Variants in CARMIL3 observed in about 807,000 individuals in gnomAD.
CARMIL3 encodes capping protein regulator and myosin 1 linker 3.
Under a neutral mutation model 180.8 loss-of-function variants are expected in CARMIL3, and 88 were observed. That is an observed-to-expected ratio of 0.49 (90% CI 0.41 to 0.58). The LOEUF (loss-of-function observed/expected upper bound fraction) is 0.58. Among genes scored for constraint, CARMIL3 ranks in the 20% least tolerant of loss-of-function variants. The pLI is 0.00. For synonymous variants in CARMIL3, 696 were observed against 714.5 expected (o/e 0.97, Z 0.41); for missense variants, 1,548 against 1,787.0 (o/e 0.87, Z 2.41).
chr14:24,067,553 C>G (rs190871484), intron 36 of CARMIL3, among the ~76,000 whole-genome samples: 1 of 152,392 alleles, frequency 6.6e-6, no homozygotes, highest in East Asian at 1.9e-4. Flanking sequence ...GCATCTGCCC[C>G]TCTCTCCCCT....
In CARMIL3 at chr14:24,065,034, C is replaced by G. The variant is rs748810187; in HGVS notation, c.3157C>G (p.Arg1053Gly). ...PLPPLQKKRR[R>G]GLFHFRRPRS... ...GCCTCCACTCCAGAAGAAGAGGCGC[C>G]GGGGCCTGTTTCACTTTCGCCGGCC... is the stretch of plus-strand genomic sequence containing the variant. Residue 1053 changes from arginine to glycine, a missense_variant, in exon 33 of 40, where the codon CGG (arginine) becomes GGG (glycine). Arg to Gly is a moderately radical substitution (Grantham distance 125, BLOSUM62 -2). Transcript: ENST00000342740. The G allele has an allele frequency of 6.2e-7, 1 of 1,610,398 alleles. No individual in the cohort carries two copies. Among genetic ancestry groups the G allele is most frequent in the African/African-American group, 1.3e-5 (1 of 74,812 alleles).
At chr14:24,065,798 C>G in intron 34 of CARMIL3, 48 bp downstream of exon 34, 1 of 1,597,858 alleles carries the variant, frequency 6.3e-7, no homozygotes, top group African/African-American at 1.3e-5. Context: ...GGGTATCTGT[C>G]CACCACCCTC....
chr14:24,059,235 TG>T lies in CARMIL3; in HGVS notation c.1627-31del, dbSNP rs769645476. The T allele has an allele frequency of 1.2e-6, 2 of 1,613,564 alleles. No homozygotes were observed. Among genetic ancestry groups the T allele is most frequent in the Admixed American group, 1.7e-5 (1 of 60,004 alleles). ...GGGGACCTGCAGTCGGAGGAGGCTG[TG>T]GGGACTGGGTCCAACCGCCCCTTGC... is the stretch of plus-strand genomic sequence containing the variant. On this transcript the variant is annotated intron_variant, in intron 20 of 39. Coordinates refer to ENST00000342740, the MANE Select transcript of CARMIL3 (RefSeq NM_138360.4). The surrounding 1 kb of genome is among the most constrained non-coding windows in gnomAD (Gnocchi z 6.3).
intron 36 of CARMIL3, among the ~76,000 whole-genome samples, chr14:24,067,139 C>T (rs769242676): frequency 3.3e-5 from 5 of 152,236 alleles, no homozygotes; most frequent in East Asian, 1.9e-4. Flanking sequence ...GGCAAGAGCT[C>T]GCCTCGGAGG....
In CARMIL3 at chr14:24,059,130, T is replaced by C; in HGVS notation, c.1572-5T>C. 1 of 1,600,050 alleles carries C rather than the reference T, an allele frequency of 6.2e-7. No homozygotes were observed. Among genetic ancestry groups the C allele is most frequent in the Non-Finnish European group, 8.5e-7 (1 of 1,173,594 alleles). ...CCTCCTACTCTGAGCCCCGCCTCCC[T>C]GCAGGACCCTGGAGGAGATCCTCCA... is the stretch of plus-strand genomic sequence containing the variant. On this transcript the variant is annotated splice_region_variant and splice_polypyrimidine_tract_variant and intron_variant, in intron 19 of 39. Coordinates refer to ENST00000342740, the MANE Select transcript of CARMIL3 (RefSeq NM_138360.4). This position sits in a 1 kb window ranked among gnomAD's most constrained non-coding sequence, Gnocchi z 6.3.
chr14:24,060,384 G>T, intron 24 of CARMIL3, 129 bp downstream of exon 24: 1 of 1,176,396 alleles, frequency 8.5e-7, no homozygotes, highest in Non-Finnish European at 1.2e-6. Flanking sequence ...GAGCATGTGG[G>T]GAAGCAAAAA....
chr14:24,059,920 G>C lies in CARMIL3; in HGVS notation c.1869-50G>C, dbSNP rs781291025. On this transcript the variant is annotated intron_variant, in intron 22 of 39. Transcript: ENST00000342740. The surrounding 1 kb of genome is among the most constrained non-coding windows in gnomAD (Gnocchi z 6.3). ...CTGCTCACCAACAGAGGAGGCAGGG[G>C]CCTCCCATCCTCACCTGTTCCCACC... is the stretch of plus-strand genomic sequence containing the variant. The C allele has an allele frequency of 1.3e-6, 2 of 1,595,486 alleles. No homozygotes were observed. Among genetic ancestry groups the C allele is most frequent in the Admixed American group, 3.3e-5 (2 of 59,960 alleles).
Position 24,058,633 on chromosome 14 carries a change from AC to A in CARMIL3, c.1393-42del. ...ATATCCTAAGCATTAAAGGTGCCCT[AC>A]CCCCACCCCAACCCCTGCCTTCCCT... On this transcript the variant is annotated intron_variant, in intron 17 of 39. Coordinates refer to ENST00000342740, the MANE Select transcript of CARMIL3 (RefSeq NM_138360.4). This position sits in a 1 kb window ranked among gnomAD's most constrained non-coding sequence, Gnocchi z 6.4. 1 of 1,540,026 alleles carries A rather than the reference AC, an allele frequency of 6.5e-7. No homozygotes were observed.
At position 24,069,144 on chromosome 14, in the gene CARMIL3, T is replaced by C; in HGVS notation, c.3990T>C (p.Pro1330=). ...DQEEPEVQGP[P]DPGRRTAPLK... ...CCTTGATTGTTATTTCAGGGCCCCC[T>C]GATCCAGGCCGGCGGACTGCCCCCC... Residue 1330 remains proline (P), a synonymous_variant, in exon 39 of 40, where the codon CCT becomes CCC. Coordinates refer to ENST00000342740, the MANE Select transcript of CARMIL3 (RefSeq NM_138360.4). 1 of 1,614,050 alleles carries C rather than the reference T, an allele frequency of 6.2e-7. No individual in the cohort carries two copies. The highest frequency in any genetic ancestry group is 1.1e-5 in the South Asian group (1 of 91,086).
At chr14:24,057,140 T>C in intron 13 of CARMIL3, 27 bp from the exon 14 acceptor site, 2 of 1,611,152 alleles carry the variant, frequency 1.2e-6, no homozygotes, top group East Asian at 2.2e-5. Context: ...TCCCTTCCCC[T>C]GCAACCCCTC....
rs1399465205 is a variant in CARMIL3, at chr14:24,065,736, G to A, written c.3511G>A (p.Asp1171Asn). ...GGAAAGAGCCAAGGGTTGGAGCTTC[G>A]ATGGGAAACGAGAGGTGAGTGGAGC... ...GLERAKGWSFDGKREGPGPDQ... is the reference protein window; with the variant it reads ...GLERAKGWSFNGKREGPGPDQ... Residue 1171 changes from aspartate (D) to asparagine (N), a missense_variant, in exon 34 of 40, where the codon GAT becomes AAT. Coordinates refer to ENST00000342740, the MANE Select transcript of CARMIL3 (RefSeq NM_138360.4). 8 of 1,614,052 alleles carry A rather than the reference G, an allele frequency of 5.0e-6. No homozygotes were observed. The highest frequency in any genetic ancestry group is 1.3e-5 in the African/African-American group (1 of 75,040).
Position 24,059,375 on chromosome 14 carries a change from G to A in CARMIL3, c.1732G>A (p.Gly578Ser), listed in dbSNP as rs2035706766. Residue 578 changes from glycine (G) to serine (S), a missense_variant, in exon 21 of 40, where the codon GGC becomes AGC. By Grantham distance (56) the Gly-to-Ser change is moderately conservative (BLOSUM62 0). This residue lies in a region of CARMIL3 where 297 missense variants were observed against 415.9 expected (regional missense o/e 0.71). Coordinates refer to ENST00000342740, the MANE Select transcript of CARMIL3 (RefSeq NM_138360.4). This position sits in a 1 kb window ranked among gnomAD's most constrained non-coding sequence, Gnocchi z 6.3. ...CTGCCTGGCCAAGGTGGATCTGAGCGGCAATGGCATGGAGGACATCGGGGC... is the reference window on the plus strand; with the variant it reads ...CTGCCTGGCCAAGGTGGATCTGAGCAGCAATGGCATGGAGGACATCGGGGC... Reference protein sequence around the residue: ...NTCLAKVDLSGNGMEDIGAKM... With the variant: ...NTCLAKVDLSSNGMEDIGAKM... 2 of 1,612,578 alleles carry A rather than the reference G, an allele frequency of 1.2e-6. No individual in the cohort carries two copies. The highest frequency in any genetic ancestry group is 1.7e-6 in the Non-Finnish European group (2 of 1,179,486).
In CARMIL3 at chr14:24,058,850, C is replaced by T; in HGVS notation, c.1475-40C>T. ...CAGCCCTGATGGGACACCAGTCAGC[C>T]TCAGGCCTCCAGGCCAGGCCTCTCC... On this transcript the variant is annotated intron_variant, in intron 18 of 39. Transcript: ENST00000342740. This position sits in a 1 kb window ranked among gnomAD's most constrained non-coding sequence, Gnocchi z 6.4. The T allele has an allele frequency of 6.2e-7, 1 of 1,612,044 alleles. No homozygotes were observed. The highest frequency in any genetic ancestry group is 8.5e-7 in the Non-Finnish European group (1 of 1,178,172).
chr14:24,066,608 A>G lies in CARMIL3; in HGVS notation c.3634A>G (p.Lys1212Glu). The change falls in exon 36 of 40, where the codon AAA (lysine) becomes GAA (glutamate). Residue 1212 changes from lysine (K) to glutamate (E), a missense_variant. Physicochemically the swap from Lys to Glu is moderately conservative, Grantham distance 56. Transcript: ENST00000342740. The stretch of plus-strand genomic sequence containing the variant: ...GCCCCCACCACCGCCCCAAAGCACC[A>G]AACCAAGCTTCAGCGCCATGCGCAG... ...WKPPPPPQST[K>E]PSFSAMRRAE... The G allele has an allele frequency of 2.5e-6, 4 of 1,614,196 alleles. No homozygotes were observed. The highest frequency in any genetic ancestry group is 3.4e-6 in the Non-Finnish European group (4 of 1,180,038).
At position 24,063,166 on chromosome 14, in the gene CARMIL3, C is replaced by T. The variant is rs753249653; in HGVS notation, c.2753C>T (p.Pro918Leu). ...CAGAAACGCTGCCGCAAGATTCGGC[C>T]GGTGTCTGCCTTCATCAGTGAGTCT... ...KKQKRCRKIR[P>L]VSAFISGSPQ... The change falls in exon 30 of 40, where the codon CCG becomes CTG. Residue 918 changes from proline to leucine, a missense_variant. Transcript: ENST00000342740. The T allele has an allele frequency of 6.8e-6, 11 of 1,613,216 alleles. No homozygotes were observed. Among genetic ancestry groups the T allele is most frequent in the East Asian group, 2.2e-5 (1 of 44,826 alleles).
chr14:24,054,902 G>T lies in CARMIL3; in HGVS notation c.460+94G>T. 1 of 1,432,956 alleles carries T rather than the reference G, an allele frequency of 7.0e-7. No homozygotes were observed. 88.8% of individuals were successfully genotyped at this position (1,432,956 alleles called of 1,614,324 possible). ...CACAGGGTGTTGCCTGGGCGGGCGG[G>T]CTTTGCCTGCCTGAAGGACTCCCAG... On this transcript the variant is annotated intron_variant, in intron 6 of 39. Coordinates refer to ENST00000342740, the MANE Select transcript of CARMIL3 (RefSeq NM_138360.4). The surrounding 1 kb of genome is among the most constrained non-coding windows in gnomAD (Gnocchi z 5.1).
At chr14:24,062,883 G>A (rs2035746725) in intron 29 of CARMIL3, 37 bp downstream of exon 29, 7 of 1,579,614 alleles carry the variant, frequency 4.4e-6, no homozygotes, top group Non-Finnish European at 4.3e-6. Context: ...TTAATAACCT[G>A]GGCCCTGCCC....
intron 23 of CARMIL3, 38 bp downstream of exon 23, chr14:24,060,101 G>A: frequency 6.2e-7 from 1 of 1,613,682 alleles, no homozygotes; most frequent in South Asian, 1.1e-5. Flanking sequence ...GCACAGCAAG[G>A]GGCAGGGGGC....
rs1456835450 is a variant in CARMIL3, at chr14:24,055,863, A to G, written c.770+74A>G. 3.0e-6 allele frequency: 4 copies of G among 1,351,850 alleles called. No homozygotes were observed. In the Admixed American group the frequency reaches 7.3e-5, roughly 25 times the overall value. The allele number at this position is 1,351,850 out of a possible 1,614,324, so 83.7% of individuals were successfully genotyped here. A position where few individuals can be genotyped will look rare whatever the true frequency, so the allele number is the denominator to read the frequency against. On this transcript the variant is annotated intron_variant, in intron 10 of 39. Coordinates refer to ENST00000342740, the MANE Select transcript of CARMIL3 (RefSeq NM_138360.4). Reference sequence around the variant, plus strand: ...TAGGGTCCCAGAACCTCAGAGCATGATGCAGGCCTCTGGACTATCTTATCC... The same window carrying G: ...TAGGGTCCCAGAACCTCAGAGCATGGTGCAGGCCTCTGGACTATCTTATCC...
Sources: allele counts gnomAD v4.1 joint callset (sites outside exome capture counted in the v4.1 genomes callset), GRCh38; gene constraint gnomAD v4.1.1; regional missense constraint gnomAD v4.1.1; non-coding constraint Gnocchi (gnomAD v3.1); transcripts MANE v1.5; gene names NCBI Gene and HGNC (gene_info 2026-07-23, HGNC 2026-07-21).